Variants in RALGAPA1 observed in about 807,000 individuals in gnomAD.
RALGAPA1 encodes the protein ral GTPase-activating protein subunit alpha-1.
A neutral mutation model predicts 269.6 loss-of-function variants in RALGAPA1; 52 were observed. The ratio of observed to expected loss-of-function variants is 0.19; its 90% CI spans 0.15 to 0.24. The LOEUF (loss-of-function observed/expected upper bound fraction) is 0.24. Among genes scored for constraint, RALGAPA1 ranks in the 10% least tolerant of loss-of-function variants. The pLI is 1.00. For missense variants in RALGAPA1, 1,917 were observed against 3,013.9 expected (o/e 0.64, Z 8.52); for synonymous variants, 817 against 1,008.3 (o/e 0.81, Z 3.60).
In RALGAPA1 at chr14:35,721,772, C is replaced by T. The variant is rs757468237; in HGVS notation, c.2182G>A (p.Ala728Thr). 1.2e-6 allele frequency: 2 copies of T among 1,612,666 alleles called. No individual in the cohort carries two copies. Among genetic ancestry groups the T allele is most frequent in the South Asian group, 1.1e-5 (1 of 91,046 alleles). ...RGWSRDQPGQ[A>T]PMRQRSATTT... The stretch of plus-strand genomic sequence containing the variant: ...GTTGCACTCCTCTGTCTCATTGGGG[C>T]TTGGCCAGGCTGATCACGACTCCAT... The change falls in exon 16 of 42, where the codon GCC becomes ACC. Residue 728 changes from alanine to threonine, a missense_variant. Physicochemically the swap from Ala to Thr is moderately conservative, Grantham distance 58. Coordinates refer to ENST00000680220, the MANE Select transcript of RALGAPA1 (RefSeq NM_001346249.2).
At chr14:35,803,474 T>C (rs563842064) in intron 1 of RALGAPA1, among the ~76,000 whole-genome samples, 3 of 152,122 alleles carry the variant, frequency 2.0e-5, no homozygotes, top group East Asian at 3.9e-4. Context: ...AAAATTGATA[T>C]ATAGACAATA....
At chr14:35,680,158 G>T (rs1419811156) in intron 21 of RALGAPA1, among the ~76,000 whole-genome samples, 1 of 152,050 alleles carries the variant, frequency 6.6e-6, no homozygotes, top group Non-Finnish European at 1.5e-5. Context: ...TCCATGTATT[G>T]TTTTGATCCA....
chr14:35,575,853 C>T (rs189572245), intron 37 of RALGAPA1, among the ~76,000 whole-genome samples: 46 of 152,296 alleles, frequency 3.0e-4, no homozygotes, highest in African/African-American at 1.1e-3. Context: ...CTCAGCCTCC[C>T]AAAGTGCTGG....
intron 37 of RALGAPA1, among the ~76,000 whole-genome samples, chr14:35,592,431 A>G (rs989467161): frequency 1.3e-5 from 2 of 152,236 alleles, no homozygotes; most frequent in Non-Finnish European, 2.9e-5. Context: ...CCAAACATTC[A>G]AAGAATTATT....
chr14:35,671,751 T>C (rs114227985), intron 25 of RALGAPA1, among the ~76,000 whole-genome samples: 1 of 152,146 alleles, frequency 6.6e-6, no homozygotes, highest in Non-Finnish European at 1.5e-5. Flanking sequence ...AATAACAGCA[T>C]TTTTTTCACA....
At chr14:35,804,767 C>T (rs539945356) in intron 1 of RALGAPA1, among the ~76,000 whole-genome samples, 1 of 150,076 alleles carries the variant, frequency 6.7e-6, no homozygotes, top group South Asian at 2.1e-4. Context: ...CCCATCTCTA[C>T]AAAAAAAAAT....
At chr14:35,762,819 C>T (rs1376190722) in intron 4 of RALGAPA1, 66 bp from the exon 5 acceptor site, 7 of 1,016,874 alleles carry the variant, frequency 6.9e-6, no homozygotes, top group South Asian at 1.3e-5. Context: ...AGTTCTCGGT[C>T]GGACTTGAAA....
intron 39 of RALGAPA1, among the ~76,000 whole-genome samples, chr14:35,553,072 G>T (rs560490557): frequency 6.6e-6 from 1 of 152,202 alleles, no homozygotes; most frequent in South Asian, 2.1e-4. Context: ...TAAGTTAAGT[G>T]GGGATACCAT....
chr14:35,555,093 C>A (rs2055472210), intron 39 of RALGAPA1, among the ~76,000 whole-genome samples: 1 of 152,012 alleles, frequency 6.6e-6, no homozygotes, highest in African/African-American at 2.4e-5. Flanking sequence ...TTCTACCATG[C>A]CCCTTGATCT....
At chr14:35,718,278 A>G (rs2069028160) in intron 16 of RALGAPA1, among the ~76,000 whole-genome samples, 1 of 152,212 alleles carries the variant, frequency 6.6e-6, no homozygotes, top group Non-Finnish European at 1.5e-5. Context: ...TAGAACAGCA[A>G]TTCCATAGTG....
chr14:35,567,807 AG>A (rs977043939), intron 39 of RALGAPA1, among the ~76,000 whole-genome samples: 9 of 152,148 alleles, frequency 5.9e-5, no homozygotes, highest in Non-Finnish European at 1.0e-4. Context: ...AGGCAAATAG[AG>A]TTTTGCATTA....
chr14:35,660,840 T>A (rs1042891222), intron 27 of RALGAPA1, among the ~76,000 whole-genome samples: 2 of 152,098 alleles, frequency 1.3e-5, no homozygotes, highest in African/African-American at 2.4e-5. Context: ...CTGGAGGGCA[T>A]GATGCTATGT....
intron 33 of RALGAPA1, among the ~76,000 whole-genome samples, 156 bp from the exon 34 acceptor site, chr14:35,628,107 A>T (rs561140008): frequency 8.5e-5 from 13 of 152,294 alleles, no homozygotes; most frequent in Non-Finnish European, 1.5e-4. Flanking sequence ...AAGGAGGAAA[A>T]CCATTCTTTG....
At chr14:35,612,624 C>T (rs10133248) in intron 35 of RALGAPA1, among the ~76,000 whole-genome samples, 25,550 of 150,690 alleles carry the variant, frequency 0.17, 2,485 homozygotes, top group African/African-American at 0.26. Flanking sequence ...CTGCAAGCTC[C>T]GCTTCCCAGG....
chr14:35,613,087 CTTT>C (rs957957202), intron 35 of RALGAPA1, among the ~76,000 whole-genome samples: 1 of 143,546 alleles, frequency 7.0e-6, no homozygotes. Context: ...GTATTTTATT[CTTT>C]TTTTTTTTTG....
chr14:35,742,717 G>C, intron 10 of RALGAPA1, 152 bp from the exon 11 acceptor site: 1 of 595,264 alleles, frequency 1.7e-6, no homozygotes, highest in Non-Finnish European at 3.0e-6. Flanking sequence ...TTTGCCATAA[G>C]CTAATTGATA....
At chr14:35,806,198 AC>A (rs2077366652) in intron 1 of RALGAPA1, among the ~76,000 whole-genome samples, 1 of 152,204 alleles carries the variant, frequency 6.6e-6, no homozygotes, top group African/African-American at 2.4e-5. Context: ...CTAAATAAGC[AC>A]TTTTTATTTT....
At chr14:35,646,785 T>C (rs1233494157) in intron 31 of RALGAPA1, among the ~76,000 whole-genome samples, 2 of 152,164 alleles carry the variant, frequency 1.3e-5, no homozygotes, top group Admixed American at 6.5e-5. Flanking sequence ...TATAAGAGAA[T>C]TGCTTGATTT....
intron 12 of RALGAPA1, among the ~76,000 whole-genome samples, chr14:35,735,010 A>C (rs2070845737): frequency 6.6e-6 from 1 of 150,836 alleles, no homozygotes; most frequent in African/African-American, 2.5e-5. Context: ...ATACCATCTG[A>C]CTCCTGCAAG....
Sources: allele counts gnomAD v4.1 joint callset (sites outside exome capture counted in the v4.1 genomes callset), GRCh38; gene constraint gnomAD v4.1.1; transcripts MANE v1.5; gene names NCBI Gene and HGNC (gene_info 2026-07-23, HGNC 2026-07-21).